Variants in PLPP3 observed in about 807,000 individuals in gnomAD.
PLPP3 encodes the protein PAP2 beta.
A neutral mutation model predicts 29.6 loss-of-function variants in PLPP3; 6 were observed. That is an observed-to-expected ratio of 0.20 (90% CI 0.11 to 0.40). The LOEUF is 0.40. PLPP3 is among the 10% of genes least tolerant of loss of function. The pLI, the probability that PLPP3 is intolerant of heterozygous loss-of-function variation, is 1.00. For synonymous variants in PLPP3, 152 were observed against 159.7 expected (o/e 0.95, Z 0.36); for missense variants, 308 against 407.7 (o/e 0.76, Z 2.11).
intron 1 of PLPP3, among the ~76,000 whole-genome samples, chr1:56,543,871 G>A (rs1043591735): frequency 2.0e-5 from 3 of 152,158 alleles, no homozygotes; most frequent in South Asian, 2.1e-4. Flanking sequence ...AAGCAACTAC[G>A]TGGTAGAAAT....
Position 56,524,531 on chromosome 1 carries a change from C to G in PLPP3, c.321G>C (p.Arg107=). 1 of 1,610,684 alleles carries G rather than the reference C, an allele frequency of 6.2e-7. No individual in the cohort carries two copies. The highest frequency in any genetic ancestry group is 8.5e-7 in the Non-Finnish European group (1 of 1,177,068). ...ACCGCGACTTCTTCAGGTAATAGATCCGGTAGAATTCCCCCGTGATGATCT... is the reference window on the plus strand; with the variant it reads ...ACCGCGACTTCTTCAGGTAATAGATGCGGTAGAATTCCCCCGTGATGATCT... ...ILAIITGEFY[R]IYYLKKSRST... The change falls in exon 3 of 6, where the codon CGG becomes CGC. Residue 107 remains arginine (R), a synonymous_variant. Coordinates refer to ENST00000371250, the MANE Select transcript of PLPP3 (RefSeq NM_003713.5). The surrounding 1 kb of genome is among the most constrained non-coding windows in gnomAD (Gnocchi z 4.3).
rs1273560377 is a variant in PLPP3, at chr1:56,557,018, G to GAAAGAAGGAAAGAAAGAAA, written c.140-19907_140-19906insTTTCTTTCTTTCCTTCTTT. 2.9e-4 allele frequency among the ~76,000 whole-genome samples: 4 copies of GAAAGAAGGAAAGAAAGAAA among 13,804 alleles called. 1 individual carries two copies. Among genetic ancestry groups the GAAAGAAGGAAAGAAAGAAA allele is most frequent in the Admixed American group, 1.2e-3 (1 of 848 alleles). 9.1% of individuals were successfully genotyped at this position (13,804 alleles called of 152,430 possible). ...AGAAAGAAAGAAAGAAAGAGAGAGA[G>GAAAGAAGGAAAGAAAGAAA]AGAGAGAAAGAGAGAGAGAGAGAGA... On this transcript the variant is annotated intron_variant, in intron 1 of 5. Coordinates refer to ENST00000371250, the MANE Select transcript of PLPP3 (RefSeq NM_003713.5).
At chr1:56,512,302 T>C in intron 4 of PLPP3, 150 bp from the exon 5 acceptor site, 1 of 705,824 alleles carries the variant, frequency 1.4e-6, no homozygotes, top group Non-Finnish European at 2.2e-6. Context: ...GAACATGACC[T>C]CAAGCCAGTT....
At chr1:56,564,858 C>T (rs1051346764) in intron 1 of PLPP3, among the ~76,000 whole-genome samples, 1 of 152,150 alleles carries the variant, frequency 6.6e-6, no homozygotes, top group African/African-American at 2.4e-5. Context: ...AAATGACAAA[C>T]CCAATAAACA....
rs1226416131 is a variant in PLPP3, at chr1:56,573,694, A to G, written c.139+5184T>C. ...AATACTGGTGTAATAGGCAACCCCA[A>G]AACAAAGTATTACTCCTCACATAAC... On this transcript the variant is annotated intron_variant, in intron 1 of 5. Coordinates refer to ENST00000371250, the MANE Select transcript of PLPP3 (RefSeq NM_003713.5). Among the ~76,000 whole-genome samples the G allele has an allele frequency of 2.6e-5, 4 of 152,296 alleles. No homozygotes were observed. In the East Asian group the frequency reaches 5.8e-4, roughly 22 times the overall value.
At chr1:56,512,946 G>T (rs1360328139) in intron 4 of PLPP3, 1 of 152,074 alleles carries the variant, frequency 6.6e-6, no homozygotes, top group African/African-American at 2.4e-5. Flanking sequence ...ACACTACCTG[G>T]TGTCAGCACG....
chr1:56,500,435 A>G (rs1324603936), intron 5 of PLPP3, among the ~76,000 whole-genome samples: 1 of 152,202 alleles, frequency 6.6e-6, no homozygotes, highest in African/African-American at 2.4e-5. Context: ...GCTTTGAAGG[A>G]TAAGGAGGAG....
intron 4 of PLPP3, among the ~76,000 whole-genome samples, chr1:56,521,247 AAAAAAAAAAG>A (rs1272482514): frequency 1.3e-5 from 2 of 149,902 alleles, no homozygotes; most frequent in Non-Finnish European, 3.0e-5. Context: ...AAAAAAAAAA[AAAAAAAAAAG>A]AAGAAGAAGA....
chr1:56,549,485 T>C (rs2100280869), intron 1 of PLPP3, among the ~76,000 whole-genome samples: 1 of 152,308 alleles, frequency 6.6e-6, no homozygotes, highest in East Asian at 1.9e-4. Flanking sequence ...TGGGGTTCAT[T>C]TTCTTCATGT....
intron 1 of PLPP3, among the ~76,000 whole-genome samples, chr1:56,551,942 G>T (rs558573360): frequency 4.1e-4 from 63 of 152,312 alleles, no homozygotes; most frequent in African/African-American, 1.5e-3. Context: ...TTAGCAGAAG[G>T]CTTAGAGCTG....
intron 1 of PLPP3, among the ~76,000 whole-genome samples, chr1:56,544,778 T>C (rs551832230): frequency 2.3e-4 from 35 of 152,316 alleles, no homozygotes; most frequent in African/African-American, 7.5e-4. Flanking sequence ...GAAAGTCAGC[T>C]ACGAAACTCT....
intron 1 of PLPP3, among the ~76,000 whole-genome samples, chr1:56,558,732 G>A (rs896350599): frequency 2.6e-5 from 4 of 152,186 alleles, no homozygotes; most frequent in African/African-American, 7.2e-5. Flanking sequence ...AAGTGATGGG[G>A]CCAGGATCGG....
intron 1 of PLPP3, among the ~76,000 whole-genome samples, chr1:56,545,100 A>G (rs537072498): frequency 4.6e-5 from 7 of 152,298 alleles, no homozygotes; most frequent in African/African-American, 1.7e-4. Context: ...TCTCTCCAAC[A>G]AAGGATTTAC....
At chr1:56,570,821 T>C (rs545424484) in intron 1 of PLPP3, among the ~76,000 whole-genome samples, 50 of 152,292 alleles carry the variant, frequency 3.3e-4, no homozygotes, top group Non-Finnish European at 6.0e-4. Flanking sequence ...GATACATCAT[T>C]TGAAAAAGGT....
intron 4 of PLPP3, among the ~76,000 whole-genome samples, chr1:56,522,503 G>A (rs534926090): frequency 7.2e-4 from 110 of 151,872 alleles, no homozygotes; most frequent in African/African-American, 2.3e-3. Flanking sequence ...TCCTTTCTAA[G>A]AGCAAAACAA....
At position 56,495,790 on chromosome 1, in the gene PLPP3, G is replaced by C. The variant is rs778426220; in HGVS notation, c.*761C>G. 1 of 152,638 alleles carries C rather than the reference G, an allele frequency of 6.6e-6. No homozygotes were observed. The highest frequency in any genetic ancestry group is 6.5e-5 in the Admixed American group (1 of 15,280). 9.5% of individuals were successfully genotyped at this position (152,638 alleles called of 1,614,324 possible). On this transcript the variant is annotated 3_prime_UTR_variant, in exon 6 of 6. Coordinates refer to ENST00000371250, the MANE Select transcript of PLPP3 (RefSeq NM_003713.5). The stretch of plus-strand genomic sequence containing the variant: ...AGTATGCAAGTGCCCGGTGATTGAC[G>C]TGCACAACATCAGCATCCTGCAATT...
At chr1:56,502,925 C>T (rs963469097) in intron 5 of PLPP3, among the ~76,000 whole-genome samples, 1 of 152,152 alleles carries the variant, frequency 6.6e-6, no homozygotes, top group East Asian at 1.9e-4. Flanking sequence ...TGATTTGGCC[C>T]TGGGATTTCC....
intron 2 of PLPP3, among the ~76,000 whole-genome samples, chr1:56,529,631 C>G (rs1349450209): frequency 6.6e-6 from 1 of 152,124 alleles, no homozygotes; most frequent in Non-Finnish European, 1.5e-5. Context: ...AGATGTATGG[C>G]TGTATTTTCT....
chr1:56,498,782 T>G (rs754428375), intron 5 of PLPP3, among the ~76,000 whole-genome samples: 6 of 152,032 alleles, frequency 3.9e-5, no homozygotes, highest in Non-Finnish European at 8.8e-5. Flanking sequence ...TACAGGCACG[T>G]GCCACTATGC....
Sources: gnomAD v4.1 joint callset for allele counts (sites outside exome capture counted in the v4.1 genomes callset) on GRCh38, gnomAD v4.1.1 for gene constraint, Gnocchi (gnomAD v3.1) non-coding constraint, MANE v1.5 for transcripts, NCBI Gene and HGNC (gene_info 2026-07-23, HGNC 2026-07-21) for gene names.